The following ARHGAP25 variants were observed in gnomAD, a reference collection of about 807,000 sequenced individuals.
The protein encoded by ARHGAP25 is Rho GTPase activating protein 25, also known as rho GTPase-activating protein 25.
ARHGAP25 carries 34 observed loss-of-function variants against 71.0 expected under a neutral mutation model. That is an observed-to-expected ratio of 0.48 (90% CI 0.36 to 0.64). The LOEUF is 0.64. ARHGAP25 is among the 30% of genes least tolerant of loss of function. The pLI, the probability that ARHGAP25 is intolerant of heterozygous loss-of-function variation, is 0.00. For missense variants in ARHGAP25, 706 were observed against 805.1 expected, an observed-to-expected ratio of 0.88 and a Z score of 1.49; for synonymous variants, 282 against 296.5, an observed-to-expected ratio of 0.95 and a Z score of 0.50.
At chr2:68,752,948 A>T (rs1208071816) in intron 1 of ARHGAP25, among the ~76,000 whole-genome samples, 1 of 152,068 alleles carries the variant, frequency 6.6e-6, no homozygotes, top group Non-Finnish European at 1.5e-5. Flanking sequence ...ATAATTCTTT[A>T]TTGTTGGGGG....
chr2:68,782,447 GC>G (rs1678410440), intron 3 of ARHGAP25, 127 bp downstream of exon 3: 2 of 751,246 alleles, frequency 2.7e-6, no homozygotes, highest in African/African-American at 3.5e-5. Context: ...CCTATTGAGA[GC>G]CCACAATGGT....
chr2:68,807,608 G>C, intron 5 of ARHGAP25, 128 bp downstream of exon 5: 1 of 928,762 alleles, frequency 1.1e-6, no homozygotes, highest in Non-Finnish European at 1.6e-6. Flanking sequence ...GCTTACAACA[G>C]AAAGAGCCTT....
chr2:68,753,502 G>A (rs1364139033), intron 1 of ARHGAP25, among the ~76,000 whole-genome samples: 3 of 152,200 alleles, frequency 2.0e-5, no homozygotes, highest in Non-Finnish European at 4.4e-5. Flanking sequence ...GATCATGGTA[G>A]GGCTTTCTTC....
chr2:68,750,533 C>G (rs1676103275), intron 1 of ARHGAP25, among the ~76,000 whole-genome samples: 1 of 152,116 alleles, frequency 6.6e-6, no homozygotes, highest in Non-Finnish European at 1.5e-5. Context: ...GTCGGCCAGG[C>G]TGCTCTCAAA....
chr2:68,737,243 A>C (rs1456534447), intron 1 of ARHGAP25, among the ~76,000 whole-genome samples: 1 of 152,194 alleles, frequency 6.6e-6, no homozygotes, highest in East Asian at 1.9e-4. Context: ...CAGGACTTCC[A>C]GTCCCCTCTC....
chr2:68,774,851 G>T, intron 1 of ARHGAP25: 1 of 1,224,358 alleles, frequency 8.2e-7, no homozygotes, highest in East Asian at 4.6e-5. Flanking sequence ...GTCAGATACT[G>T]ACTCCCACGC....
At chr2:68,728,395 A>G (rs1674931714) in intron 2 of ARHGAP25, among the ~76,000 whole-genome samples, 1 of 152,232 alleles carries the variant, frequency 6.6e-6, no homozygotes, top group Non-Finnish European at 1.5e-5. Flanking sequence ...GAAATGTAAA[A>G]TGGTGCAGCT....
chr2:68,795,177 C>T (rs1363381120), intron 4 of ARHGAP25, among the ~76,000 whole-genome samples: 2 of 151,982 alleles, frequency 1.3e-5, no homozygotes, highest in Non-Finnish European at 2.9e-5. Context: ...GTTAGTCTAG[C>T]TAGAAGTCTA....
intron 1 of ARHGAP25, among the ~76,000 whole-genome samples, chr2:68,738,495 A>T (rs1193584507): frequency 5.3e-5 from 8 of 152,180 alleles, no homozygotes. Flanking sequence ...ACAATTCATT[A>T]CCAAACTTAC....
chr2:68,793,514 C>A (rs982914541), intron 4 of ARHGAP25, among the ~76,000 whole-genome samples: 1 of 152,126 alleles, frequency 6.6e-6, no homozygotes, highest in South Asian at 2.1e-4. Flanking sequence ...TTTCCCAGAA[C>A]CACTTATTGA....
chr2:68,811,806 T>C (rs1436109899), intron 5 of ARHGAP25, among the ~76,000 whole-genome samples: 1 of 152,158 alleles, frequency 6.6e-6, no homozygotes, highest in African/African-American at 2.4e-5. Flanking sequence ...CACCCCTCCC[T>C]TCCCTCCTAG....
chr2:68,775,807 C>T (rs948529090), intron 2 of ARHGAP25: 2 of 428,032 alleles, frequency 4.7e-6, no homozygotes, highest in Non-Finnish European at 9.3e-6. Flanking sequence ...ATATGCCACA[C>T]ACTGTTCTAG....
chr2:68,796,729 G>A (rs961814415), intron 4 of ARHGAP25, among the ~76,000 whole-genome samples: 1 of 152,162 alleles, frequency 6.6e-6, no homozygotes, highest in Admixed American at 6.5e-5. Context: ...ACCTCAGGCA[G>A]CATATGCTGG....
In ARHGAP25 at chr2:68,826,226, G is replaced by A. The variant is rs548521412; in HGVS notation, c.*32G>A. 3 of 1,600,516 alleles carry A rather than the reference G, an allele frequency of 1.9e-6. No individual in the cohort carries two copies. The highest frequency in any genetic ancestry group is 2.2e-5 in the South Asian group (2 of 90,772). ...CAGGAGTACTGCAGGGACAGCCCCAGAGAGGCCCAACTCTGGCCCCTTTCT... is the reference window on the plus strand; with the variant it reads ...CAGGAGTACTGCAGGGACAGCCCCAAAGAGGCCCAACTCTGGCCCCTTTCT... On this transcript the variant is annotated 3_prime_UTR_variant, in exon 11 of 11. Transcript: ENST00000409202.
intron 4 of ARHGAP25, among the ~76,000 whole-genome samples, chr2:68,791,850 C>T (rs1180826574): frequency 1.3e-5 from 2 of 152,146 alleles, no homozygotes; most frequent in Admixed American, 6.5e-5. Flanking sequence ...CTGTAGCTGG[C>T]TCTGAGTGTT....
chr2:68,807,218 A>T, intron 4 of ARHGAP25, 55 bp from the exon 5 acceptor site: 1 of 1,577,262 alleles, frequency 6.3e-7, no homozygotes, highest in Non-Finnish European at 8.7e-7. Flanking sequence ...GTCAAGAAAT[A>T]GTTCATCCAA....
intron 2 of ARHGAP25, among the ~76,000 whole-genome samples, chr2:68,720,961 G>A (rs931134476): frequency 3.3e-5 from 5 of 152,116 alleles, no homozygotes; most frequent in Non-Finnish European, 5.9e-5. Flanking sequence ...GTGGCTGAAC[G>A]CAGAAACACT....
chr2:68,821,120 A>T (rs1681630315), intron 9 of ARHGAP25, among the ~76,000 whole-genome samples: 1 of 96,688 alleles, frequency 1.0e-5, no homozygotes, highest in African/African-American at 4.6e-5. Flanking sequence ...TTTTTGTGAC[A>T]GGGTCTCACT....
chr2:68,809,000 A>G (rs998447201), intron 5 of ARHGAP25, among the ~76,000 whole-genome samples: 8 of 152,168 alleles, frequency 5.3e-5, no homozygotes, highest in Admixed American at 2.0e-4. Context: ...GAAATAGGAA[A>G]GGTCATCGGG....
Sources: allele counts gnomAD v4.1 joint callset (sites outside exome capture counted in the v4.1 genomes callset), GRCh38; gene constraint gnomAD v4.1.1; transcripts MANE v1.5; gene names NCBI Gene and HGNC (gene_info 2026-07-23, HGNC 2026-07-21).